ZNF346: variants seen among roughly 807,000 people sequenced by gnomAD.
ZNF346 encodes the protein zinc finger protein 346, also known as double-stranded RNA-binding zinc finger protein JAZ.
Under a neutral mutation model 33.7 loss-of-function variants are expected in ZNF346, and 23 were observed. That is an observed-to-expected ratio of 0.68 (90% CI 0.49 to 0.97). The LOEUF (loss-of-function observed/expected upper bound fraction) is 0.97. Among genes scored for constraint, ZNF346 ranks in the 50% least tolerant of loss-of-function variants. The pLI is 0.00. For synonymous variants in ZNF346, 134 were observed against 142.4 expected (o/e 0.94, Z 0.42); for missense variants, 340 against 371.1 (o/e 0.92, Z 0.69).
intron 2 of ZNF346, 108 bp downstream of exon 2, chr5:177,041,337 T>C: frequency 1.1e-6 from 1 of 874,770 alleles, no homozygotes; most frequent in Non-Finnish European, 1.9e-6. Context: ...GCCACCCAGA[T>C]GTTGCCTCCA....
At chr5:177,031,679 T>C (rs961419595) in intron 1 of ZNF346, among the ~76,000 whole-genome samples, 1 of 152,166 alleles carries the variant, frequency 6.6e-6, no homozygotes, top group Non-Finnish European at 1.5e-5. Context: ...TCTTCAAATA[T>C]TTTTTTCTAC....
chr5:177,024,418 G>A (rs1032308083), intron 1 of ZNF346, among the ~76,000 whole-genome samples: 2 of 151,816 alleles, frequency 1.3e-5, no homozygotes, highest in Non-Finnish European at 2.9e-5. Flanking sequence ...GGCTGTTCTC[G>A]AACTCCTGAC....
intron 1 of ZNF346, among the ~76,000 whole-genome samples, chr5:177,037,843 A>G (rs1453294684): frequency 2.6e-5 from 4 of 152,156 alleles, no homozygotes; most frequent in Non-Finnish European, 4.4e-5. Context: ...CGTAGTTCAT[A>G]CTGTGGCTTA....
chr5:177,044,084 G>A (rs768792421), intron 3 of ZNF346, among the ~76,000 whole-genome samples: 1 of 151,812 alleles, frequency 6.6e-6, no homozygotes, highest in Non-Finnish European at 1.5e-5. Flanking sequence ...GTCCCCCAGA[G>A]GAAAAGCTTA....
In ZNF346 at chr5:177,022,896, C is replaced by A; in HGVS notation, c.158C>A (p.Pro53Gln). The A allele has an allele frequency of 6.7e-7, 1 of 1,496,158 alleles. No individual in the cohort carries two copies. The highest frequency in any genetic ancestry group is 1.3e-5 in the South Asian group (1 of 76,430). 92.7% of individuals were successfully genotyped at this position (1,496,158 alleles called of 1,614,324 possible). ...TGGGAAGCCGTGTCCGGTGCCCAGC[C>A]GGTGGGTAGAGAGGAAGGTGAGTCG... ...RLWEAVSGAQ[P>Q]VGREEVEHMI... The change falls in exon 1 of 7, where the codon CCG becomes CAG. Residue 53 changes from proline (P) to glutamine (Q), a missense_variant. Pro to Gln is a moderately conservative substitution (Grantham distance 76). Transcript: ENST00000358149.
At chr5:177,057,907 C>T (rs2149690552) in intron 5 of ZNF346, among the ~76,000 whole-genome samples, 1 of 151,330 alleles carries the variant, frequency 6.6e-6, no homozygotes, top group African/African-American at 2.4e-5. Context: ...CTGCAACCTC[C>T]ACCTCCTGGG....
rs1783005099 is a variant in ZNF346, at chr5:177,064,867, C to T, written c.*268C>T. ...GGGTGGTAGTTTGGAGGGTGGCTTTCCCCATTTCCCAACCCCTCTGGGCCT... is the reference window on the plus strand; with the variant it reads ...GGGTGGTAGTTTGGAGGGTGGCTTTTCCCATTTCCCAACCCCTCTGGGCCT... On this transcript the variant is annotated 3_prime_UTR_variant, in exon 7 of 7. Transcript: ENST00000358149. 2 of 453,860 alleles carry T rather than the reference C, an allele frequency of 4.4e-6. No homozygotes were observed. The highest frequency in any genetic ancestry group is 5.9e-4 in the Middle Eastern group (1 of 1,708). 28.1% of individuals were successfully genotyped at this position (453,860 alleles called of 1,614,324 possible).
At chr5:177,033,197 T>C (rs1006600264) in intron 1 of ZNF346, among the ~76,000 whole-genome samples, 3 of 152,304 alleles carry the variant, frequency 2.0e-5, no homozygotes, top group Admixed American at 1.3e-4. Flanking sequence ...CCATGTCAGC[T>C]TCCCTAGTAA....
At chr5:177,075,570 T>A (rs1783708157) in intron 8 of ZNF346, among the ~76,000 whole-genome samples, 1 of 152,172 alleles carries the variant, frequency 6.6e-6, no homozygotes, top group Non-Finnish European at 1.5e-5. Flanking sequence ...CAGGCTGGAG[T>A]GCATGGCACA....
intron 5 of ZNF346, among the ~76,000 whole-genome samples, chr5:177,054,642 A>T (rs563607236): frequency 3.9e-4 from 60 of 152,084 alleles, no homozygotes; most frequent in African/African-American, 1.4e-3. Context: ...CTTGTGATCC[A>T]CACAGCTCAG....
At chr5:177,024,200 C>CT (rs781744965) in intron 1 of ZNF346, among the ~76,000 whole-genome samples, 1,654 of 86,798 alleles carry the variant, frequency 0.019, 156 homozygotes, top group Middle Eastern at 0.047. Flanking sequence ...GCCCTCTCTC[C>CT]TTTTTTTTTT....
chr5:177,027,054 G>A (rs993756545), intron 1 of ZNF346, among the ~76,000 whole-genome samples: 4 of 151,998 alleles, frequency 2.6e-5, no homozygotes, highest in African/African-American at 9.7e-5. Flanking sequence ...TTAGATAAAA[G>A]TTATCTTCTT....
At chr5:177,042,109 A>G (rs1000185971) in intron 3 of ZNF346, 10 of 402,730 alleles carry the variant, frequency 2.5e-5, no homozygotes, top group Admixed American at 7.8e-5. Context: ...AAAGCACCCA[A>G]TTCAGAGCCT....
chr5:177,078,627 G>A (rs1783861167), intron 8 of ZNF346, among the ~76,000 whole-genome samples: 1 of 152,134 alleles, frequency 6.6e-6, no homozygotes, highest in Non-Finnish European at 1.5e-5. Context: ...ATAAAAATAA[G>A]CTGGCCGGGC....
intron 1 of ZNF346, among the ~76,000 whole-genome samples, chr5:177,033,715 G>A (rs1017571221): frequency 6.6e-6 from 1 of 152,100 alleles, no homozygotes; most frequent in East Asian, 1.9e-4. Flanking sequence ...AGTAGAGATG[G>A]GGTTTCACCA....
chr5:177,033,908 G>T (rs980422816), intron 1 of ZNF346, among the ~76,000 whole-genome samples: 5 of 152,108 alleles, frequency 3.3e-5, no homozygotes, highest in Non-Finnish European at 5.9e-5. Flanking sequence ...TTGAGACAGG[G>T]TCTCACTCCC....
chr5:177,036,138 G>A (rs1778476520), intron 1 of ZNF346, among the ~76,000 whole-genome samples: 1 of 152,096 alleles, frequency 6.6e-6, no homozygotes, highest in African/African-American at 2.4e-5. Context: ...GCATCTGGGA[G>A]CTAGAGCTGA....
intron 5 of ZNF346, among the ~76,000 whole-genome samples, chr5:177,053,729 C>T (rs1781282363): frequency 6.6e-6 from 1 of 152,044 alleles, no homozygotes; most frequent in Non-Finnish European, 1.5e-5. Context: ...CTGTGCATTC[C>T]AACTGTATTC....
chr5:177,075,643 A>C (rs1007581296), intron 8 of ZNF346, among the ~76,000 whole-genome samples: 2 of 152,044 alleles, frequency 1.3e-5, no homozygotes, highest in African/African-American at 4.8e-5. Flanking sequence ...CAGCCTCCTG[A>C]GTAGCTGGAA....
Sources: gnomAD v4.1 joint callset for allele counts (sites outside exome capture counted in the v4.1 genomes callset) on GRCh38, gnomAD v4.1.1 for gene constraint, MANE v1.5 for transcripts, NCBI Gene and HGNC (gene_info 2026-07-23, HGNC 2026-07-21) for gene names.